Variants in ATRN observed in about 807,000 individuals in gnomAD.
The protein encoded by ATRN is attractin, also known as attractin-2.
A neutral mutation model predicts 178.7 loss-of-function variants in ATRN; 54 were observed. That is an observed-to-expected ratio of 0.30 (90% confidence interval 0.24 to 0.38). ATRN has a LOEUF of 0.38. Ranked by LOEUF, ATRN falls within the 10% of genes least tolerant of loss-of-function variation. The probability of loss-of-function intolerance (pLI) is 1.00; values close to 1 mark genes in which losing one functional copy is unlikely to be tolerated. For missense variants in ATRN, 1,443 were observed against 1,815.1 expected (o/e 0.79, Z 3.73); for synonymous variants, 636 against 663.0 (o/e 0.96, Z 0.63).
At chr20:3,485,618 T>G (rs2084681085) in intron 1 of ATRN, among the ~76,000 whole-genome samples, 1 of 90,194 alleles carries the variant, frequency 1.1e-5, no homozygotes, top group African/African-American at 6.9e-5. Context: ...AGGTTTTTTT[T>G]TTTTTTTTTT....
intron 1 of ATRN, among the ~76,000 whole-genome samples, chr20:3,485,937 C>G (rs1264377775): frequency 6.6e-6 from 1 of 151,924 alleles, no homozygotes; most frequent in Non-Finnish European, 1.5e-5. Flanking sequence ...TTGAACTGTG[C>G]TTGTGAGCTT....
chr20:3,558,691 CT>C (rs913144840), intron 6 of ATRN, among the ~76,000 whole-genome samples: 5 of 151,672 alleles, frequency 3.3e-5, no homozygotes, highest in African/African-American at 1.2e-4. Flanking sequence ...ACTTTTAGCT[CT>C]TTATTCTTTG....
At position 3,650,160 on chromosome 20, in the gene ATRN, G is replaced by T. The variant is rs2087136099; in HGVS notation, c.*3313G>T. On this transcript the variant is annotated 3_prime_UTR_variant, in exon 29 of 29. Coordinates refer to ENST00000262919, the MANE Select transcript of ATRN (RefSeq NM_139321.3). ...AAATAAAAAGAGCAGGGCACTGCTG[G>T]TGGGAAGAGGCATTTTACCTTCCAG... 1 of 152,610 alleles carries T rather than the reference G, an allele frequency of 6.6e-6. No individual in the cohort carries two copies. Among genetic ancestry groups the T allele is most frequent in the Non-Finnish European group, 1.5e-5 (1 of 68,054 alleles). The allele number at this position is 152,610 out of a possible 1,614,324, so 9.5% of individuals were successfully genotyped here.
intron 1 of ATRN, among the ~76,000 whole-genome samples, chr20:3,533,706 T>C (rs546770910): frequency 7.2e-5 from 11 of 152,310 alleles, no homozygotes; most frequent in African/African-American, 2.4e-4. Flanking sequence ...TTGGGTTTTT[T>C]TTATCTTGGT....
intron 6 of ATRN, among the ~76,000 whole-genome samples, chr20:3,554,980 G>C (rs923856308): frequency 7.0e-6 from 1 of 143,204 alleles, no homozygotes. Context: ...CACCAAGTGT[G>C]ACCTGACCTC....
chr20:3,471,412 A>T lies in ATRN; in HGVS notation c.305A>T (p.Asp102Val). The T allele has an allele frequency of 1.3e-6, 2 of 1,485,904 alleles. No homozygotes were observed. The highest frequency in any genetic ancestry group is 1.8e-6 in the Non-Finnish European group (2 of 1,126,316). 92.0% of individuals were successfully genotyped at this position (1,485,904 alleles called of 1,614,324 possible). Residue 102 changes from aspartate (D) to valine (V), a missense_variant, in exon 1 of 29, where the codon GAC becomes GTC. This residue lies in a region of ATRN where 862 missense variants were observed against 972.1 expected (regional missense o/e 0.89). Transcript: ENST00000262919. ...GSAAAEAKEC[D>V]RPCVNGGRCN... ...GCCGCAGCCGAGGCCAAGGAATGTG[A>T]CCGGCCCTGTGTCAACGGCGGTCGC...
At chr20:3,577,823 G>T (rs1219444824) in intron 14 of ATRN, among the ~76,000 whole-genome samples, 2 of 152,202 alleles carry the variant, frequency 1.3e-5, no homozygotes, top group Admixed American at 1.3e-4. Flanking sequence ...TGAGGAGCAA[G>T]TCTTTGTCTG....
intron 4 of ATRN, among the ~76,000 whole-genome samples, chr20:3,546,922 A>G (rs1045389480): frequency 8.5e-5 from 13 of 152,114 alleles, no homozygotes; most frequent in African/African-American, 2.9e-4. Flanking sequence ...GAATTCAGCA[A>G]CTCTGTAAAG....
At chr20:3,552,433 C>T (rs1600100155) in intron 6 of ATRN, among the ~76,000 whole-genome samples, 1 of 56,408 alleles carries the variant, frequency 1.8e-5, no homozygotes, top group South Asian at 1.2e-3. Context: ...CCCCAGATGT[C>T]CCCCCCAGTT....
Position 3,605,686 on chromosome 20 carries a change from G to A in ATRN, c.3801+1424G>A, listed in dbSNP as rs369716784. 2.3e-3 allele frequency among the ~76,000 whole-genome samples: 344 copies of A among 152,266 alleles called. 6 individuals carry two copies. The South Asian group carries it at 0.034, about 15-fold the overall frequency. The stretch of plus-strand genomic sequence containing the variant: ...AACCAGGTACCACATGTTCTCACTC[G>A]TAAGTGGGAGCCGAGAACACATGGA... On this transcript the variant is annotated intron_variant, in intron 24 of 28. Coordinates refer to ENST00000262919, the MANE Select transcript of ATRN (RefSeq NM_139321.3).
intron 18 of ATRN, among the ~76,000 whole-genome samples, chr20:3,587,635 T>C (rs1011519124): frequency 1.3e-5 from 2 of 152,224 alleles, no homozygotes; most frequent in African/African-American, 4.8e-5. Context: ...TGTGGCTTTG[T>C]ATAAGTTTTA....
chr20:3,625,544 TC>T (rs1356418004), intron 25 of ATRN, among the ~76,000 whole-genome samples: 1 of 152,218 alleles, frequency 6.6e-6, no homozygotes, highest in Non-Finnish European at 1.5e-5. Flanking sequence ...ATCACTATAC[TC>T]TTGCTGATGT....
At chr20:3,586,016 GT>G (rs1009417453) in intron 18 of ATRN, among the ~76,000 whole-genome samples, 3 of 152,092 alleles carry the variant, frequency 2.0e-5, no homozygotes, top group Non-Finnish European at 2.9e-5. Context: ...TAAATATAGA[GT>G]TATCATACGG....
intron 1 of ATRN, among the ~76,000 whole-genome samples, chr20:3,519,800 G>A (rs1400190824): frequency 6.6e-6 from 1 of 152,192 alleles, no homozygotes; most frequent in Admixed American, 6.5e-5. Flanking sequence ...GAGAAAAAAA[G>A]ACAGGTATCA....
At chr20:3,607,462 T>C (rs1568761068) in intron 24 of ATRN, among the ~76,000 whole-genome samples, 3 of 152,154 alleles carry the variant, frequency 2.0e-5, no homozygotes, top group Non-Finnish European at 2.9e-5. Context: ...CACATCTGAG[T>C]GAGAAAACAT....
chr20:3,533,561 A>C (rs980985832), intron 1 of ATRN, among the ~76,000 whole-genome samples: 2 of 152,144 alleles, frequency 1.3e-5, no homozygotes, highest in Non-Finnish European at 2.9e-5. Context: ...TTTGGGTATA[A>C]TAGCTGGAGC....
intron 26 of ATRN, among the ~76,000 whole-genome samples, chr20:3,634,964 AC>A (rs1291615097): frequency 1.3e-5 from 2 of 152,186 alleles, no homozygotes; most frequent in Non-Finnish European, 2.9e-5. Flanking sequence ...GCAAATTACA[AC>A]ATATCAAATG....
Position 3,572,739 on chromosome 20 carries a change from A to G in ATRN, c.1880A>G (p.Tyr627Cys), listed in dbSNP as rs781281347. The change falls in exon 12 of 29, where the codon TAT becomes TGT. Residue 627 changes from tyrosine to cysteine, a missense_variant. Physicochemically the swap from Tyr to Cys is radical, Grantham distance 194. Around this residue, in one of 4 missense-constraint regions of ATRN, gnomAD observed 862 missense variants for 972.1 expected, o/e 0.89. Coordinates refer to ENST00000262919, the MANE Select transcript of ATRN (RefSeq NM_139321.3). ...TCCCTTTTTCCTCTTAGCACCATGTATGTGTTCGGTGGTTTCAATAGTCTC... is the reference window on the plus strand; with the variant it reads ...TCCCTTTTTCCTCTTAGCACCATGTGTGTGTTCGGTGGTTTCAATAGTCTC... ...HSAVLHNSTM[Y>C]VFGGFNSLLL... 5 of 1,613,192 alleles carry G rather than the reference A, an allele frequency of 3.1e-6. No homozygotes were observed. The highest frequency in any genetic ancestry group is 2.5e-6 in the Non-Finnish European group (3 of 1,179,750).
intron 4 of ATRN, 88 bp from the exon 5 acceptor site, chr20:3,547,196 G>A: frequency 1.9e-6 from 2 of 1,052,940 alleles, no homozygotes; most frequent in Non-Finnish European, 2.9e-6. Context: ...GAGACAGTGA[G>A]ATTCTTAAAC....
Sources: allele counts gnomAD v4.1 joint callset (sites outside exome capture counted in the v4.1 genomes callset), GRCh38; gene constraint gnomAD v4.1.1; regional missense constraint gnomAD v4.1.1; transcripts MANE v1.5; gene names NCBI Gene and HGNC (gene_info 2026-07-23, HGNC 2026-07-21).